The following KMT2C variants were observed in gnomAD, a reference collection of about 807,000 sequenced individuals.
The protein encoded by KMT2C is histone-lysine N-methyltransferase 2C.
Under a neutral mutation model 507.9 loss-of-function variants are expected in KMT2C, and 88 were observed. That is an observed-to-expected ratio of 0.17 (90% confidence interval 0.15 to 0.21). The LOEUF is 0.21. KMT2C is among the 10% of genes least tolerant of loss of function. KMT2C has a pLI of 1.00. For synonymous variants in KMT2C, 2,049 were observed against 2,080.8 expected (o/e 0.98, Z 0.42); for missense variants, 4,954 against 5,957.8 (o/e 0.83, Z 5.55).
intron 23 of KMT2C, among the ~76,000 whole-genome samples, chr7:152,217,734 A>C (rs2094621082): frequency 6.7e-6 from 1 of 149,560 alleles, no homozygotes; most frequent in Admixed American, 6.6e-5. Flanking sequence ...AAAATATGAA[A>C]TTGAAACATA....
At chr7:152,384,547 A>ACC (rs1589626167) in intron 1 of KMT2C, among the ~76,000 whole-genome samples, 10 of 148,578 alleles carry the variant, frequency 6.7e-5, no homozygotes, top group Non-Finnish European at 1.2e-4. Context: ...CCATGTGCAT[A>ACC]ACACCACCAC....
At chr7:152,226,661 GC>G (rs1271966337) in intron 18 of KMT2C, among the ~76,000 whole-genome samples, 2 of 152,154 alleles carry the variant, frequency 1.3e-5, no homozygotes, top group Non-Finnish European at 2.9e-5. Flanking sequence ...GAAGGAAATG[GC>G]CTAGGGGTAA....
At chr7:152,411,405 G>A (rs1354579353) in intron 1 of KMT2C, among the ~76,000 whole-genome samples, 1 of 151,628 alleles carries the variant, frequency 6.6e-6, no homozygotes, top group Admixed American at 6.6e-5. Flanking sequence ...AAAAAAAAGA[G>A]CATTTTATTT....
chr7:152,190,325 C>T (rs1370180560), intron 31 of KMT2C, among the ~76,000 whole-genome samples: 4 of 152,006 alleles, frequency 2.6e-5, no homozygotes, highest in Non-Finnish European at 4.4e-5. Context: ...TGCCATCTAC[C>T]GATATTACAA....
intron 27 of KMT2C, among the ~76,000 whole-genome samples, chr7:152,196,984 A>G (rs1483283350): frequency 6.6e-6 from 1 of 152,188 alleles, no homozygotes; most frequent in Non-Finnish European, 1.5e-5. Flanking sequence ...ACTGGGTTTT[A>G]TTCTGAAGTG....
At chr7:152,432,875 G>A (rs1249134510) in intron 1 of KMT2C, among the ~76,000 whole-genome samples, 5 of 151,836 alleles carry the variant, frequency 3.3e-5, no homozygotes, top group Non-Finnish European at 7.4e-5. Flanking sequence ...AGCGGGGTGC[G>A]GTGGCTCACG....
chr7:152,274,665 T>C (rs1747616798), intron 6 of KMT2C, among the ~76,000 whole-genome samples: 15 of 152,250 alleles, frequency 9.9e-5, no homozygotes. Flanking sequence ...TTGAGCATCA[T>C]TTTCTTTGAA....
Position 152,156,221 on chromosome 7 carries a change from C to T in KMT2C, c.11796G>A (p.Val3932=), listed in dbSNP as rs1367036176. 1 of 1,614,140 alleles carries T rather than the reference C, an allele frequency of 6.2e-7. No homozygotes were observed. The highest frequency in any genetic ancestry group is 1.1e-5 in the South Asian group (1 of 91,072). ...TTEELAGKAG[V]LVSHEVTKTL... is the part of the protein sequence containing the mutation. ...TAATCATACCTTCATGGCTCACTAA[C>T]ACTCCGGCTTTTCCAGCAAGTTCTT... The change falls in exon 45 of 59, where the codon GTG becomes GTA. Residue 3932 remains valine (V), a synonymous_variant. Coordinates refer to ENST00000262189, the MANE Select transcript of KMT2C (RefSeq NM_170606.3).
intron 1 of KMT2C, among the ~76,000 whole-genome samples, chr7:152,401,205 G>T (rs968918144): frequency 6.6e-6 from 1 of 151,152 alleles, no homozygotes; most frequent in African/African-American, 2.4e-5. Flanking sequence ...CCCTGCCTCA[G>T]CCTCCCAAGT....
chr7:152,155,537 C>G (rs1363528594), intron 46 of KMT2C, among the ~76,000 whole-genome samples: 1 of 152,180 alleles, frequency 6.6e-6, no homozygotes, highest in African/African-American at 2.4e-5. Context: ...TTTTAGACAT[C>G]TACAAACAAC....
intron 43 of KMT2C, among the ~76,000 whole-genome samples, chr7:152,160,316 A>C (rs577574106): frequency 6.6e-6 from 1 of 152,318 alleles, no homozygotes; most frequent in African/African-American, 2.4e-5. Context: ...CTAGAAATGC[A>C]GATTATCTGG....
chr7:152,250,033 G>C (rs2129165662), intron 12 of KMT2C, 80 bp from the exon 13 acceptor site: 4 of 807,110 alleles, frequency 5.0e-6, no homozygotes, highest in East Asian at 2.6e-5. Context: ...TTTGAGTAAA[G>C]AGTTTTATTC....
intron 22 of KMT2C, among the ~76,000 whole-genome samples, chr7:152,221,187 G>A (rs1334600818): frequency 6.6e-6 from 1 of 152,166 alleles, no homozygotes; most frequent in Non-Finnish European, 1.5e-5. Context: ...AACCCGGGAG[G>A]CAGAGGTTGC....
chr7:152,367,421 T>A, intron 1 of KMT2C: 1 of 699,464 alleles, frequency 1.4e-6, no homozygotes, highest in Admixed American at 2.3e-5. Flanking sequence ...TCTCGCCTTA[T>A]TTCGCAGGCT....
intron 40 of KMT2C, among the ~76,000 whole-genome samples, chr7:152,169,675 C>G (rs1023994575): frequency 2.0e-5 from 3 of 152,096 alleles, no homozygotes; most frequent in African/African-American, 7.2e-5. Flanking sequence ...ATAACAAAAA[C>G]TAATGTCTCT....
chr7:152,432,955 T>C (rs933946391), intron 1 of KMT2C, among the ~76,000 whole-genome samples: 1 of 152,152 alleles, frequency 6.6e-6, no homozygotes, highest in Non-Finnish European at 1.5e-5. Context: ...AAGACCAGCC[T>C]GGCCAACATG....
At chr7:152,305,568 T>TC (rs1166098374) in intron 6 of KMT2C, among the ~76,000 whole-genome samples, 7 of 151,996 alleles carry the variant, frequency 4.6e-5, no homozygotes, top group Non-Finnish European at 1.0e-4. Flanking sequence ...TTTTTTTTTT[T>TC]CTCAGAATAA....
chr7:152,176,365 G>C lies in KMT2C; in HGVS notation c.9088C>G (p.Gln3030Glu). The C allele has an allele frequency of 1.2e-6, 2 of 1,614,142 alleles. No homozygotes were observed. The highest frequency in any genetic ancestry group is 1.7e-6 in the Non-Finnish European group (2 of 1,180,022). ...GCTAATGTTTGAGGAATCATTAGCT[G>C]TTGGGGTCCAGACATGCTACTGGTA... ...SGTSSMSGPQ[Q>E]LMIPQTLAQQ... Residue 3030 changes from glutamine to glutamate, a missense_variant, in exon 38 of 59, where the codon CAG becomes GAG. Transcript: ENST00000262189.
At chr7:152,161,864 C>T (rs557051012) in intron 43 of KMT2C, among the ~76,000 whole-genome samples, 1 of 152,280 alleles carries the variant, frequency 6.6e-6, no homozygotes, top group African/African-American at 2.4e-5. Flanking sequence ...CCAGTTGCTA[C>T]ACATCACGTT....
Sources: allele counts gnomAD v4.1 joint callset (sites outside exome capture counted in the v4.1 genomes callset), GRCh38; gene constraint gnomAD v4.1.1; transcripts MANE v1.5; gene names NCBI Gene and HGNC (gene_info 2026-07-23, HGNC 2026-07-21).